NELL2: variants seen among roughly 807,000 people sequenced by gnomAD.
NELL2 encodes protein kinase C-binding protein NELL2.
Under a neutral mutation model 109.6 loss-of-function variants are expected in NELL2, and 41 were observed. The observed-to-expected ratio is 0.37, with a 90% CI of 0.29 to 0.49. NELL2 has a LOEUF of 0.49. Ranked by LOEUF, NELL2 falls within the 20% of genes least tolerant of loss-of-function variation. The probability of loss-of-function intolerance (pLI) is 0.98; values close to 1 mark genes in which losing one functional copy is unlikely to be tolerated. For missense variants in NELL2, 900 were observed against 1,008.3 expected (o/e 0.89, Z 1.45); for synonymous variants, 355 against 344.7 (o/e 1.03, Z -0.33).
chr12:44,717,857 G>A (rs1938570565), intron 9 of NELL2, among the ~76,000 whole-genome samples: 2 of 152,180 alleles, frequency 1.3e-5, no homozygotes, highest in South Asian at 2.1e-4. Context: ...CTTGAAACTA[G>A]CTGGCAAGGA....
intron 12 of NELL2, among the ~76,000 whole-genome samples, chr12:44,702,401 A>C (rs139446176): frequency 2.0e-4 from 30 of 152,274 alleles, no homozygotes; most frequent in African/African-American, 7.2e-4. Context: ...TACATGATCG[A>C]ATATACTTAG....
intron 3 of NELL2, among the ~76,000 whole-genome samples, chr12:44,806,008 T>C (rs1025096591): frequency 6.6e-6 from 1 of 151,838 alleles, no homozygotes; most frequent in Non-Finnish European, 1.5e-5. Context: ...TCTTTTTTTA[T>C]ATATAGGAAA....
At chr12:44,509,042 G>A in intron 19 of NELL2, 58 bp from the exon 20 acceptor site, 1 of 1,416,078 alleles carries the variant, frequency 7.1e-7, no homozygotes, top group Non-Finnish European at 9.9e-7. Context: ...ATTAGTAAAT[G>A]ATCACATTTA....
chr12:44,902,928 A>G (rs878884733), intron 1 of NELL2, among the ~76,000 whole-genome samples: 1 of 152,198 alleles, frequency 6.6e-6, no homozygotes, highest in African/African-American at 2.4e-5. Context: ...ATTTAAACGT[A>G]AGACCTAAAA....
chr12:44,685,021 T>C (rs1176602219), intron 12 of NELL2, among the ~76,000 whole-genome samples: 1 of 151,976 alleles, frequency 6.6e-6, no homozygotes, highest in Non-Finnish European at 1.5e-5. Flanking sequence ...AGTGAGGTGT[T>C]AAAGTCTCCC....
chr12:44,876,525 G>T, upstream of NELL2: 1 of 1,414,092 alleles, frequency 7.1e-7, no homozygotes, highest in South Asian at 1.6e-5. Context: ...CTCTCTCGAT[G>T]ACCCGGGCAA....
intron 2 of NELL2, among the ~76,000 whole-genome samples, chr12:44,828,113 T>C (rs1943774388): frequency 6.6e-6 from 1 of 152,212 alleles, no homozygotes; most frequent in African/African-American, 2.4e-5. Context: ...TATGACTTCT[T>C]CTGAGAAATG....
intron 19 of NELL2, among the ~76,000 whole-genome samples, chr12:44,513,918 A>G (rs755030045): frequency 2.6e-5 from 4 of 151,228 alleles, no homozygotes; most frequent in Non-Finnish European, 5.9e-5. Context: ...TTAGATATCC[A>G]AAAAGCCCAG....
chr12:44,840,474 A>C (rs1199564739), intron 2 of NELL2, among the ~76,000 whole-genome samples: 1 of 152,156 alleles, frequency 6.6e-6, no homozygotes, highest in Non-Finnish European at 1.5e-5. Flanking sequence ...CCTTTCAAAA[A>C]AAATTACAAA....
chr12:44,645,057 A>C (rs1403725034), intron 13 of NELL2, among the ~76,000 whole-genome samples: 2 of 152,126 alleles, frequency 1.3e-5, no homozygotes, highest in Non-Finnish European at 2.9e-5. Flanking sequence ...GGGAAGAATT[A>C]TGTTTCAAGT....
intron 15 of NELL2, among the ~76,000 whole-genome samples, chr12:44,545,106 T>C (rs1484362745): frequency 1.3e-5 from 2 of 152,072 alleles, no homozygotes; most frequent in Non-Finnish European, 2.9e-5. Context: ...TTGATATATA[T>C]TTTAAAATAA....
chr12:44,564,244 T>C (rs993746698), intron 15 of NELL2, among the ~76,000 whole-genome samples: 3 of 152,148 alleles, frequency 2.0e-5, no homozygotes, highest in Non-Finnish European at 4.4e-5. Context: ...GAATTGCACC[T>C]ACAGAAGAAA....
chr12:44,680,475 A>G (rs1458763054), intron 12 of NELL2, among the ~76,000 whole-genome samples: 1 of 152,186 alleles, frequency 6.6e-6, no homozygotes, highest in African/African-American at 2.4e-5. Context: ...CTTGGAGGAA[A>G]TTTAAAAATG....
At chr12:44,564,158 A>G (rs1468940315) in intron 15 of NELL2, among the ~76,000 whole-genome samples, 1 of 152,232 alleles carries the variant, frequency 6.6e-6, no homozygotes, top group Non-Finnish European at 1.5e-5. Flanking sequence ...TTCAAACTAA[A>G]CATTTTACCT....
chr12:44,791,136 C>T lies in NELL2; in HGVS notation c.336-11114G>A, dbSNP rs866793616. On this transcript the variant is annotated intron_variant, in intron 3 of 19. Coordinates refer to ENST00000429094, the MANE Select transcript of NELL2 (RefSeq NM_001145108.2). ...ATATATATATGTATATATATATATA[C>T]ACACGCACACACATACACACACACA... 1.1e-3 allele frequency among the ~76,000 whole-genome samples: 65 copies of T among 57,850 alleles called. 3 individuals carry two copies. Among genetic ancestry groups the T allele is most frequent in the African/African-American group, 5.7e-3 (53 of 9,334 alleles). The allele number at this position is 57,850 out of a possible 152,430, so 38.0% of individuals were successfully genotyped here. A position where few individuals can be genotyped will look rare whatever the true frequency, so the allele number is the denominator to read the frequency against.
chr12:44,638,144 CATTT>C (rs537117479), intron 13 of NELL2, among the ~76,000 whole-genome samples: 282 of 152,158 alleles, frequency 1.9e-3, no homozygotes, highest in African/African-American at 6.5e-3. Context: ...AAACTCTATT[CATTT>C]AAGAACTCCT....
chr12:44,630,990 A>G (rs190877036), intron 13 of NELL2, among the ~76,000 whole-genome samples: 1 of 151,888 alleles, frequency 6.6e-6, no homozygotes, highest in Non-Finnish European at 1.5e-5. Flanking sequence ...CCCAAATTCT[A>G]TCTCTCCTGA....
intron 9 of NELL2, among the ~76,000 whole-genome samples, chr12:44,743,351 C>T (rs1253080099): frequency 6.6e-6 from 1 of 152,140 alleles, no homozygotes; most frequent in East Asian, 1.9e-4. Context: ...AAAAACATGC[C>T]AAATTGTAAA....
chr12:44,889,586 T>A (rs529095331), intron 1 of NELL2, among the ~76,000 whole-genome samples: 45 of 152,122 alleles, frequency 3.0e-4, no homozygotes, highest in African/African-American at 4.3e-4. Flanking sequence ...TTGCCTATCA[T>A]TAGGGGACAA....
Sources: gnomAD v4.1 joint callset for allele counts (sites outside exome capture counted in the v4.1 genomes callset) on GRCh38, gnomAD v4.1.1 for gene constraint, MANE v1.5 for transcripts, NCBI Gene and HGNC (gene_info 2026-07-23, HGNC 2026-07-21) for gene names.